SMC1B: variants seen among roughly 807,000 people sequenced by gnomAD.
The protein encoded by SMC1B is structural maintenance of chromosomes 1B.
A neutral mutation model predicts 157.9 loss-of-function variants in SMC1B; 60 were observed. That is an observed-to-expected ratio of 0.38 (90% CI 0.31 to 0.47). The LOEUF (loss-of-function observed/expected upper bound fraction) is 0.47. Among genes scored for constraint, SMC1B ranks in the 20% least tolerant of loss-of-function variants. The pLI is 0.99. For synonymous variants in SMC1B, 445 were observed against 483.0 expected, an observed-to-expected ratio of 0.92 and a Z score of 1.03; for missense variants, 1,165 against 1,426.2, an observed-to-expected ratio of 0.82 and a Z score of 2.95.
intron 12 of SMC1B, among the ~76,000 whole-genome samples, chr22:45,374,093 T>G (rs951096717): frequency 6.2e-5 from 2 of 32,406 alleles, no homozygotes; most frequent in Admixed American, 5.9e-4. Context: ...AAAGACGGTT[T>G]TTTTTTTTTT....
intron 5 of SMC1B, among the ~76,000 whole-genome samples, chr22:45,401,088 T>C (rs1480545734): frequency 6.6e-6 from 1 of 152,268 alleles, no homozygotes; most frequent in East Asian, 1.9e-4. Context: ...GCTGAGAAAA[T>C]ATGTATAAAG....
chr22:45,369,549 T>C (rs1429992115), intron 15 of SMC1B, among the ~76,000 whole-genome samples: 1 of 148,598 alleles, frequency 6.7e-6, no homozygotes, highest in Non-Finnish European at 1.5e-5. Context: ...TTTCTTTTTT[T>C]TTTTTTTTTT....
chr22:45,406,907 C>T (rs1214093866), intron 2 of SMC1B, 42 bp from the exon 3 acceptor site: 5 of 1,346,828 alleles, frequency 3.7e-6, no homozygotes, highest in Non-Finnish European at 5.0e-6. Context: ...TATATAAATA[C>T]CAGATATACC....
intron 22 of SMC1B, among the ~76,000 whole-genome samples, chr22:45,350,663 A>G (rs936306335): frequency 1.3e-5 from 2 of 152,160 alleles, no homozygotes; most frequent in Non-Finnish European, 1.5e-5. Context: ...ACTCATCTCA[A>G]AGCAAACTTC....
At chr22:45,401,242 A>C (rs1026925929) in intron 5 of SMC1B, among the ~76,000 whole-genome samples, 2 of 152,242 alleles carry the variant, frequency 1.3e-5, no homozygotes, top group African/African-American at 4.8e-5. Flanking sequence ...TTAGGCAGAT[A>C]GTGAAGGTTA....
chr22:45,397,492 C>A (rs913614124), intron 6 of SMC1B, among the ~76,000 whole-genome samples: 1 of 152,126 alleles, frequency 6.6e-6, no homozygotes, highest in Non-Finnish European at 1.5e-5. Context: ...AGGGGTGGGT[C>A]CCCAGTGAAA....
chr22:45,354,346 G>T (rs2086648657), intron 20 of SMC1B, among the ~76,000 whole-genome samples: 1 of 150,470 alleles, frequency 6.6e-6, no homozygotes. Flanking sequence ...AAATAATATT[G>T]ACAAGTTCTG....
chr22:45,375,154 G>C (rs2086872591), intron 12 of SMC1B, among the ~76,000 whole-genome samples: 1 of 152,158 alleles, frequency 6.6e-6, no homozygotes, highest in African/African-American at 2.4e-5. Context: ...ATGCATATCT[G>C]ACTGCCTCCT....
intron 11 of SMC1B, among the ~76,000 whole-genome samples, chr22:45,384,634 C>T (rs1269348655): frequency 2.0e-5 from 3 of 151,614 alleles, no homozygotes; most frequent in African/African-American, 4.9e-5. Context: ...GCACGAGAAT[C>T]GCTTGAACCT....
At chr22:45,398,842 A>T (rs1457526292) in intron 6 of SMC1B, among the ~76,000 whole-genome samples, 1 of 151,982 alleles carries the variant, frequency 6.6e-6, no homozygotes, top group African/African-American at 2.4e-5. Context: ...AAACAAACAA[A>T]AAAAAATCCT....
At position 45,413,514 on chromosome 22, in the gene SMC1B, G is replaced by A; in HGVS notation, c.54C>T (p.Arg18=). Residue 18 remains arginine, a synonymous_variant, in exon 1 of 25, where the codon CGC becomes CGT. Coordinates refer to ENST00000357450, the MANE Select transcript of SMC1B (RefSeq NM_148674.5). ...ACCTCCGGAAGGGGCCAATGACCTG[G>A]CGGCCCCGCCACGACTTGAAATTTT... is the stretch of plus-strand genomic sequence containing the variant. ...LVENFKSWRG[R]QVIGPFRRFT... is the part of the protein sequence containing the mutation. 1 of 1,606,262 alleles carries A rather than the reference G, an allele frequency of 6.2e-7. No individual in the cohort carries two copies.
rs985963944 is a variant in SMC1B at position 45,347,835 on chromosome 22, T to G, written c.3495+1893A>C. On this transcript the variant is annotated intron_variant, in intron 23 of 24. Coordinates refer to ENST00000357450, the MANE Select transcript of SMC1B (RefSeq NM_148674.5). Reference sequence around the variant, plus strand: ...CAGCCACCCTGTAAGCAGCCGTTAATGCAAAGCCTGGTCATTTCTAGAAGA... The same window carrying G: ...CAGCCACCCTGTAAGCAGCCGTTAAGGCAAAGCCTGGTCATTTCTAGAAGA... Among the ~76,000 whole-genome samples the G allele has an allele frequency of 5.3e-5, 8 of 152,294 alleles. 1 individual carries two copies. The South Asian group carries it at 1.7e-3, about 32-fold the overall frequency.
At chr22:45,358,485 AAGAATT>A (rs2086690212) in intron 19 of SMC1B, among the ~76,000 whole-genome samples, 1 of 152,208 alleles carries the variant, frequency 6.6e-6, no homozygotes, top group Non-Finnish European at 1.5e-5. Flanking sequence ...TTGGTATTCA[AAGAATT>A]AGAGAATTGC....
intron 22 of SMC1B, among the ~76,000 whole-genome samples, chr22:45,350,599 A>G (rs531637109): frequency 1.3e-5 from 2 of 150,986 alleles, no homozygotes; most frequent in Non-Finnish European, 3.0e-5. Flanking sequence ...TCTAACCTCA[A>G]ATGTCCAACT....
intron 18 of SMC1B, among the ~76,000 whole-genome samples, chr22:45,359,202 G>A (rs770707606): frequency 1.4e-4 from 21 of 152,122 alleles, no homozygotes; most frequent in African/African-American, 5.1e-4. Context: ...CAGCATCCTC[G>A]GATTTTGATA....
At chr22:45,367,363 G>T (rs960599452) in intron 15 of SMC1B, among the ~76,000 whole-genome samples, 1 of 152,268 alleles carries the variant, frequency 6.6e-6, no homozygotes, top group Non-Finnish European at 1.5e-5. Flanking sequence ...GTTTGCTTCA[G>T]CTCCAGCAAA....
chr22:45,398,229 T>G (rs1289665948), intron 6 of SMC1B, among the ~76,000 whole-genome samples: 2 of 152,220 alleles, frequency 1.3e-5, no homozygotes, highest in East Asian at 3.9e-4. Flanking sequence ...TCCCCTCATC[T>G]GGGCGCCAGA....
intron 23 of SMC1B, among the ~76,000 whole-genome samples, chr22:45,347,430 CAGG>C (rs2086563545): frequency 6.6e-6 from 1 of 152,106 alleles, no homozygotes; most frequent in Admixed American, 6.5e-5. Context: ...GAAGGTACCT[CAGG>C]TTGCAGCTAC....
rs984001721 is a variant in SMC1B, at chr22:45,374,191, C to T, written c.2059-1899G>A. Among the ~76,000 whole-genome samples the T allele has an allele frequency of 3.0e-5, 4 of 132,048 alleles. No individual in the cohort carries two copies. The Admixed American group carries it at 3.6e-4, about 12-fold the overall frequency. The allele number at this position is 132,048 out of a possible 152,430, so 86.6% of individuals were successfully genotyped here. A position where few individuals can be genotyped will look rare whatever the true frequency, so the allele number is the denominator to read the frequency against. ...TAAATTTAGTCCTAGAATAAAATGACTGGTTGTTTAAGAAAAAGGGATGTT... is the reference window on the plus strand; with the variant it reads ...TAAATTTAGTCCTAGAATAAAATGATTGGTTGTTTAAGAAAAAGGGATGTT... On this transcript the variant is annotated intron_variant, in intron 12 of 24. Coordinates refer to ENST00000357450, the MANE Select transcript of SMC1B (RefSeq NM_148674.5).
Sources: allele counts gnomAD v4.1 joint callset (sites outside exome capture counted in the v4.1 genomes callset), GRCh38; gene constraint gnomAD v4.1.1; transcripts MANE v1.5; gene names NCBI Gene and HGNC (gene_info 2026-07-23, HGNC 2026-07-21).